Variants in ARB2A observed in about 807,000 individuals in gnomAD.
The protein encoded by ARB2A is ARB2 cotranscriptional regulator A.
At chr5:93,945,414 C>CAAA in the ARB2A span, among the ~76,000 whole-genome samples, 1 of 59,952 alleles carries the variant, frequency 1.7e-5, no homozygotes, top group African/African-American at 6.6e-5. Context: ...GATTCCATCT[C>CAAA]AAAAAAAAAA....
chr5:93,806,176 C>T, the ARB2A span, among the ~76,000 whole-genome samples: 15 of 151,804 alleles, frequency 9.9e-5, 1 homozygote, highest in Admixed American at 7.9e-4. Context: ...AAAGTTGCAA[C>T]GTAATATCTG....
the ARB2A span, among the ~76,000 whole-genome samples, chr5:93,675,795 G>A: frequency 6.6e-6 from 1 of 152,192 alleles, no homozygotes; most frequent in African/African-American, 2.4e-5. Context: ...CCTGCTGCAT[G>A]AGAAATAGCC....
the ARB2A span, among the ~76,000 whole-genome samples, chr5:93,830,311 G>GTATGTATATATATATATATATA: frequency 1.2e-5 from 1 of 82,260 alleles, no homozygotes; most frequent in African/African-American, 5.2e-5. Context: ...GTGTGTGTGT[G>GTATGTATATATATATATATATA]TATATATATA....
At chr5:93,783,110 T>C in the ARB2A span, among the ~76,000 whole-genome samples, 6 of 152,142 alleles carry the variant, frequency 3.9e-5, no homozygotes, top group African/African-American at 1.4e-4. Context: ...ATATTTGTCA[T>C]CTGGAATGAA....
the ARB2A span, chr5:93,958,655 T>C: frequency 1.4e-6 from 1 of 697,904 alleles, no homozygotes; most frequent in Non-Finnish European, 2.1e-6. Context: ...ACAAGTAAAA[T>C]AAATAATAAC....
chr5:93,640,892 CA>C, the ARB2A span, among the ~76,000 whole-genome samples: 3 of 151,708 alleles, frequency 2.0e-5, no homozygotes, highest in Non-Finnish European at 4.4e-5. Flanking sequence ...TGGCTCTAAG[CA>C]ACATTTTAAA....
chr5:93,961,572 T>A, the ARB2A span, among the ~76,000 whole-genome samples: 1 of 152,054 alleles, frequency 6.6e-6, no homozygotes, highest in South Asian at 2.1e-4. Context: ...TAGTCCCAGC[T>A]ACTTGGCAAG....
chr5:93,910,695 C>T, the ARB2A span: 2 of 151,388 alleles, frequency 1.3e-5, no homozygotes, highest in Non-Finnish European at 3.0e-5. Context: ...AGCACAAAAG[C>T]TCTTTCTTTA....
At chr5:93,800,381 TCACACACACACACACACA>T in the ARB2A span, among the ~76,000 whole-genome samples, 3 of 141,058 alleles carry the variant, frequency 2.1e-5, no homozygotes, top group Admixed American at 7.1e-5. Context: ...CTGCATATTT[TCACACACACACACACACA>T]CACACACACA....
chr5:94,065,343 A>C, the ARB2A span, among the ~76,000 whole-genome samples: 9 of 152,252 alleles, frequency 5.9e-5, no homozygotes, highest in Admixed American at 2.6e-4. Context: ...GTGAAACCCC[A>C]TATCTCCAAA....
the ARB2A span, among the ~76,000 whole-genome samples, chr5:93,906,800 T>C: frequency 6.6e-6 from 1 of 151,468 alleles, no homozygotes; most frequent in Non-Finnish European, 1.5e-5. Context: ...ATTAAAGCAT[T>C]TTTAGTAAGC....
the ARB2A span, among the ~76,000 whole-genome samples, chr5:93,753,622 T>C: frequency 6.6e-6 from 1 of 152,238 alleles, no homozygotes; most frequent in Non-Finnish European, 1.5e-5. Flanking sequence ...ACATCTACTA[T>C]GCTTGGTTGT....
At chr5:94,095,032 A>G in the ARB2A span, among the ~76,000 whole-genome samples, 21 of 152,214 alleles carry the variant, frequency 1.4e-4, no homozygotes, top group Non-Finnish European at 2.9e-5. Flanking sequence ...CACACAGAGT[A>G]TGGCCAACTA....
the ARB2A span, among the ~76,000 whole-genome samples, chr5:94,009,881 T>A: frequency 3.3e-5 from 5 of 151,762 alleles, no homozygotes; most frequent in Non-Finnish European, 5.9e-5. Flanking sequence ...AGTGATACCC[T>A]CTCTCGTATC....
chr5:93,649,557 T>C, the ARB2A span, among the ~76,000 whole-genome samples: 10 of 152,328 alleles, frequency 6.6e-5, no homozygotes, highest in African/African-American at 2.4e-4. Context: ...GCACCAACTA[T>C]GAATGGGAAT....
the ARB2A span, among the ~76,000 whole-genome samples, chr5:93,766,331 C>T: frequency 1.3e-5 from 2 of 152,136 alleles, no homozygotes; most frequent in East Asian, 3.9e-4. Flanking sequence ...TGAACTCCAA[C>T]AAATTTACAA....
the ARB2A span, among the ~76,000 whole-genome samples, chr5:93,816,707 T>C: frequency 6.6e-6 from 1 of 152,206 alleles, no homozygotes; most frequent in African/African-American, 2.4e-5. Context: ...AGTGAAATTT[T>C]TCTCCACTTC....
chr5:93,741,557 C>A, the ARB2A span: 1 of 1,557,660 alleles, frequency 6.4e-7, no homozygotes, highest in Non-Finnish European at 8.7e-7. Context: ...GGCCTGTGTC[C>A]GGCCATGGGT....
chr5:93,879,259 T>C, the ARB2A span, among the ~76,000 whole-genome samples: 1 of 151,988 alleles, frequency 6.6e-6, no homozygotes, highest in Admixed American at 6.6e-5. Context: ...AAACTTACTA[T>C]CTAGAAGTAT....
Sources: allele counts gnomAD v4.1 joint callset (sites outside exome capture counted in the v4.1 genomes callset), GRCh38; gene constraint gnomAD v4.1.1; transcripts MANE v1.5; gene names NCBI Gene and HGNC (gene_info 2026-07-23, HGNC 2026-07-21).